The following ZCWPW1 variants were observed in gnomAD, a reference collection of about 807,000 sequenced individuals.
ZCWPW1 encodes the protein zinc finger CW-type PWWP domain protein 1.
A neutral mutation model predicts 81.3 loss-of-function variants in ZCWPW1; 56 were observed. The observed-to-expected ratio is 0.69, with a 90% CI of 0.56 to 0.86. The LOEUF (loss-of-function observed/expected upper bound fraction) is 0.86, where lower values mean the gene tolerates loss of function less well. Among genes scored for constraint, ZCWPW1 ranks in the 40% least tolerant of loss-of-function variants. The pLI, the probability that ZCWPW1 is intolerant of heterozygous loss-of-function variation, is 0.00. For synonymous variants in ZCWPW1, 250 were observed against 273.7 expected (o/e 0.91, Z 0.86); for missense variants, 650 against 769.8 (o/e 0.84, Z 1.84).
intron 8 of ZCWPW1, among the ~76,000 whole-genome samples, chr7:100,412,089 C>T (rs1470734763): frequency 2.6e-5 from 4 of 152,130 alleles, no homozygotes; most frequent in Non-Finnish European, 5.9e-5. Flanking sequence ...CCCTCAGTCT[C>T]CTTTGCTGGG....
chr7:100,411,765 T>G (rs1391424221), intron 8 of ZCWPW1, among the ~76,000 whole-genome samples: 1 of 151,984 alleles, frequency 6.6e-6, no homozygotes, highest in East Asian at 1.9e-4. Context: ...GTGAAAGCAG[T>G]GAGTACTCAT....
intron 2 of ZCWPW1, among the ~76,000 whole-genome samples, chr7:100,422,306 C>G (rs977417078): frequency 6.6e-6 from 1 of 152,196 alleles, no homozygotes; most frequent in African/African-American, 2.4e-5. Flanking sequence ...ACAGCACACA[C>G]AGAAAACATA....
intron 6 of ZCWPW1, 90 bp from the exon 7 acceptor site, chr7:100,416,546 A>G: frequency 1.4e-6 from 2 of 1,417,098 alleles, no homozygotes. Context: ...AGGAAGACAG[A>G]TGAATCCTAA....
Position 100,407,322 on chromosome 7 carries a change from T to A in ZCWPW1, c.993-19A>T. 1 of 1,608,624 alleles carries A rather than the reference T, an allele frequency of 6.2e-7. No homozygotes were observed. The highest frequency in any genetic ancestry group is 8.5e-7 in the Non-Finnish European group (1 of 1,176,012). ...TGGCCACCTGGAGAAGATAGTTGGG[T>A]GTAGGGGACAGAAGAGAAGGGGTTA... On this transcript the variant is annotated intron_variant, in intron 10 of 17. Transcript: ENST00000684423.
chr7:100,422,566 T>G (rs999891611), intron 2 of ZCWPW1, among the ~76,000 whole-genome samples: 1 of 152,240 alleles, frequency 6.6e-6, no homozygotes, highest in African/African-American at 2.4e-5. Flanking sequence ...TACAGCTTTA[T>G]TTTTATTTTT....
rs544763571 is a variant in ZCWPW1 at position 100,414,924 on chromosome 7, T to C, written c.754+1051A>G. 7.9e-5 allele frequency among the ~76,000 whole-genome samples: 12 copies of C among 151,090 alleles called. No individual in the cohort carries two copies. The East Asian group carries it at 1.2e-3, about 15-fold the overall frequency. ...CCTGTAGTCCGAGCTACTAGGGAGGTTGAGGCAGGAGAATCGCTTGAACCC... is the reference window on the plus strand; with the variant it reads ...CCTGTAGTCCGAGCTACTAGGGAGGCTGAGGCAGGAGAATCGCTTGAACCC... On this transcript the variant is annotated intron_variant, in intron 8 of 17. Transcript: ENST00000684423.
chr7:100,404,047 A>G (rs1180950553), intron 14 of ZCWPW1, 131 bp downstream of exon 14: 5 of 987,994 alleles, frequency 5.1e-6, no homozygotes, highest in African/African-American at 1.7e-5. Flanking sequence ...GACATTCACA[A>G]GAGCCTCCTA....
In ZCWPW1 at chr7:100,417,123, T is replaced by G. The variant is rs1368652357; in HGVS notation, c.422A>C (p.Gln141Pro). 4.3e-6 allele frequency: 7 copies of G among 1,614,074 alleles called. No individual in the cohort carries two copies. Among genetic ancestry groups the G allele is most frequent in the Non-Finnish European group, 5.9e-6 (7 of 1,179,998 alleles). Residue 141 changes from glutamine (Q) to proline (P), a missense_variant, in exon 6 of 18, where the codon CAA becomes CCA. Gln to Pro is a moderately conservative substitution (Grantham distance 76). Coordinates refer to ENST00000684423, the MANE Select transcript of ZCWPW1 (RefSeq NM_001386010.1). ...AGTAATTCCTGGCTCCTTGTCTGATTGGGTAGATACTACGGGCTGGGCACA... is the reference window on the plus strand; with the variant it reads ...AGTAATTCCTGGCTCCTTGTCTGATGGGGTAGATACTACGGGCTGGGCACA... ...TSCAQPVVST[Q>P]SDKEPGITAS...
intron 1 of ZCWPW1, among the ~76,000 whole-genome samples, chr7:100,425,395 C>G (rs1463362284): frequency 6.6e-6 from 1 of 151,934 alleles, no homozygotes; most frequent in Non-Finnish European, 1.5e-5. Flanking sequence ...ATTCTCATCA[C>G]TCAACATATG....
chr7:100,423,790 C>T (rs1376367297), intron 2 of ZCWPW1, among the ~76,000 whole-genome samples: 1 of 152,114 alleles, frequency 6.6e-6, no homozygotes, highest in East Asian at 1.9e-4. Context: ...TAAAATTGGC[C>T]AGGCATGGTG....
intron 3 of ZCWPW1, 51 bp downstream of exon 3, chr7:100,420,571 G>A (rs2130814819): frequency 6.2e-7 from 1 of 1,611,762 alleles, no homozygotes; most frequent in Non-Finnish European, 8.5e-7. Context: ...TGTCCAAAAG[G>A]AGAAAAATGA....
Position 100,401,351 on chromosome 7 carries a change from G to A in ZCWPW1, c.1628-15C>T. 2 of 1,523,658 alleles carry A rather than the reference G, an allele frequency of 1.3e-6. No individual in the cohort carries two copies. The highest frequency in any genetic ancestry group is 1.8e-4 in the Middle Eastern group (1 of 5,656). The allele number at this position is 1,523,658 out of a possible 1,614,324, so 94.4% of individuals were successfully genotyped here. A position where few individuals can be genotyped will look rare whatever the true frequency, so the allele number is the denominator to read the frequency against. On this transcript the variant is annotated splice_polypyrimidine_tract_variant and intron_variant, in intron 17 of 17. Transcript: ENST00000684423. ...TTTCTTAGGGCCTAAATGAGAAGGT[G>A]ACAAAGCCAAGAGTCCTATTAGGTC...
chr7:100,408,462 C>T (rs1452511769), intron 10 of ZCWPW1, 77 bp downstream of exon 10: 3 of 1,552,888 alleles, frequency 1.9e-6, no homozygotes, highest in African/African-American at 1.4e-5. Flanking sequence ...AGATGTTTTC[C>T]ATTTGCTTCC....
chr7:100,425,460 G>A (rs1405227862), intron 1 of ZCWPW1, among the ~76,000 whole-genome samples: 13 of 152,126 alleles, frequency 8.5e-5, no homozygotes, highest in Non-Finnish European at 1.8e-4. Context: ...AGGGAACCAA[G>A]GGAAGGTGAA....
At chr7:100,424,321 G>A (rs1796921151) in intron 2 of ZCWPW1, among the ~76,000 whole-genome samples, 4 of 151,954 alleles carry the variant, frequency 2.6e-5, no homozygotes, top group Admixed American at 2.6e-4. Context: ...AATTTTCTCT[G>A]GAAGAGAAAA....
chr7:100,427,592 G>A (rs975685905), intron 1 of ZCWPW1, among the ~76,000 whole-genome samples: 3 of 151,698 alleles, frequency 2.0e-5, no homozygotes, highest in Non-Finnish European at 2.9e-5. Context: ...CCAGCTCCTC[G>A]GGAGGCTGAG....
chr7:100,419,040 G>T, intron 5 of ZCWPW1, 71 bp downstream of exon 5: 1 of 1,234,976 alleles, frequency 8.1e-7, no homozygotes, highest in Non-Finnish European at 1.2e-6. Context: ...GAAGCTGTCA[G>T]ACTTAACTCT....
intron 5 of ZCWPW1, among the ~76,000 whole-genome samples, chr7:100,418,112 T>C (rs372305634): frequency 1.3e-5 from 2 of 152,142 alleles, no homozygotes; most frequent in East Asian, 1.9e-4. Flanking sequence ...CTTGAACTCC[T>C]GACCTCAAGT....
chr7:100,405,562 T>A (rs1343835291), intron 12 of ZCWPW1, among the ~76,000 whole-genome samples: 2 of 152,254 alleles, frequency 1.3e-5, no homozygotes, highest in Non-Finnish European at 2.9e-5. Flanking sequence ...ACGATACTCC[T>A]ATTCTTAATA....
Sources: allele counts gnomAD v4.1 joint callset (sites outside exome capture counted in the v4.1 genomes callset), GRCh38; gene constraint gnomAD v4.1.1; transcripts MANE v1.5; gene names NCBI Gene and HGNC (gene_info 2026-07-23, HGNC 2026-07-21).